RAB33B: variants seen among roughly 807,000 people sequenced by gnomAD.
RAB33B encodes ras-related protein Rab-33B.
A neutral mutation model predicts 15.0 loss-of-function variants in RAB33B; 6 were observed. The ratio of observed to expected loss-of-function variants is 0.40; its 90% CI spans 0.22 to 0.79. The LOEUF is 0.79. RAB33B is among the 30% of genes least tolerant of loss of function. The pLI is 0.37. For synonymous variants in RAB33B, 117 were observed against 108.3 expected (o/e 1.08, Z -0.50); for missense variants, 257 against 296.4 (o/e 0.87, Z 0.98).
At chr4:139,459,048 A>C (rs191409376) in intron 1 of RAB33B, among the ~76,000 whole-genome samples, 17 of 151,040 alleles carry the variant, frequency 1.1e-4, no homozygotes, top group African/African-American at 3.7e-4. Context: ...GGCCACAGAT[A>C]TATCTTCTTT....
intron 1 of RAB33B, among the ~76,000 whole-genome samples, chr4:139,459,461 A>G (rs1750128706): frequency 6.6e-6 from 1 of 152,048 alleles, no homozygotes; most frequent in African/African-American, 2.4e-5. Context: ...GAGTCTCCTC[A>G]CACCTCCAGT....
chr4:139,457,572 A>G (rs1268405736), intron 1 of RAB33B, among the ~76,000 whole-genome samples: 1 of 152,228 alleles, frequency 6.6e-6, no homozygotes, highest in African/African-American at 2.4e-5. Flanking sequence ...ATATTAACTA[A>G]AGGAAAATAA....
chr4:139,449,870 T>A (rs1409778680), upstream of RAB33B: 1 of 152,172 alleles, frequency 6.6e-6, no homozygotes, highest in Non-Finnish European at 1.5e-5. Context: ...ACTTTTTACA[T>A]ATATCAAATA....
intron 1 of RAB33B, among the ~76,000 whole-genome samples, chr4:139,470,006 G>A (rs1489240701): frequency 6.6e-6 from 1 of 152,092 alleles, no homozygotes; most frequent in Admixed American, 6.5e-5. Flanking sequence ...CCTGAAGCCA[G>A]CAAAGCAGTG....
At chr4:139,450,975 C>A (rs961159243), upstream of RAB33B, 4 of 149,620 alleles carry the variant, frequency 2.7e-5, no homozygotes, top group Non-Finnish European at 5.9e-5. Flanking sequence ...GATCTTGGCT[C>A]ACTGCAACCT....
Position 139,454,436 on chromosome 4 carries a change from C to T in RAB33B, c.241C>T (p.Arg81Cys), listed in dbSNP as rs911276815. 6 of 1,608,326 alleles carry T rather than the reference C, an allele frequency of 3.7e-6. No homozygotes were observed. The African/African-American group carries it at 5.3e-5, about 14-fold the overall frequency. ...RERAVEIDGE[R>C]IKIQLWDTAG... is the part of the protein sequence containing the mutation. Reference sequence around the variant, plus strand: ...ACGAGCGGTGGAGATTGATGGGGAGCGCATCAAGGTGAGCGGATGGGGAAC... The same window carrying T: ...ACGAGCGGTGGAGATTGATGGGGAGTGCATCAAGGTGAGCGGATGGGGAAC... Residue 81 changes from arginine (R) to cysteine (C), a missense_variant, in exon 1 of 2, where the codon CGC becomes TGC. Arg to Cys is a radical substitution (Grantham distance 180). Transcript: ENST00000305626.
At chr4:139,461,213 T>A (rs1311456081) in intron 1 of RAB33B, among the ~76,000 whole-genome samples, 1 of 152,164 alleles carries the variant, frequency 6.6e-6, no homozygotes, top group African/African-American at 2.4e-5. Flanking sequence ...AACCTCTGAT[T>A]GGTCAGACGT....
At chr4:139,453,864 G>A (rs2111066199), upstream of RAB33B, 1 of 209,076 alleles carries the variant, frequency 4.8e-6, no homozygotes, top group Non-Finnish European at 9.4e-6. Context: ...TCAGGGCGCT[G>A]GGCCCAGCCT....
the RAB33B span, among the ~76,000 whole-genome samples, chr4:139,444,941 C>A: frequency 6.6e-6 from 1 of 152,156 alleles, no homozygotes; most frequent in African/African-American, 2.4e-5. Context: ...GGAGGGGTTG[C>A]GGAAATTAGT....
At chr4:139,461,617 A>G (rs940817410) in intron 1 of RAB33B, among the ~76,000 whole-genome samples, 2 of 152,186 alleles carry the variant, frequency 1.3e-5, no homozygotes, top group African/African-American at 4.8e-5. Flanking sequence ...TAGTGGGGAA[A>G]AAAAACAGGC....
the RAB33B span, among the ~76,000 whole-genome samples, chr4:139,445,271 A>G: frequency 6.6e-6 from 1 of 152,152 alleles, no homozygotes; most frequent in East Asian, 1.9e-4. Flanking sequence ...TTACTGTACT[A>G]CCTCTGTGGT....
the RAB33B span, among the ~76,000 whole-genome samples, chr4:139,441,781 T>C: frequency 1.3e-5 from 2 of 152,246 alleles, no homozygotes; most frequent in African/African-American, 4.8e-5. Context: ...GAAACCGTCG[T>C]AAATCAGGGA....
intron 1 of RAB33B, among the ~76,000 whole-genome samples, chr4:139,459,878 G>A (rs541809220): frequency 2.0e-5 from 3 of 152,194 alleles, no homozygotes; most frequent in African/African-American, 4.8e-5. Flanking sequence ...GTGATCTGCC[G>A]CCTCGGCCTC....
Position 139,456,089 on chromosome 4 carries a change from G to A in RAB33B, c.249+1645G>A, listed in dbSNP as rs1579173096. On this transcript the variant is annotated intron_variant, in intron 1 of 1. Transcript: ENST00000305626. ...ATGATACCTTATCAGGCTGCTGTGA[G>A]GATCAGATGAGGACATATATGAAGC... 4.6e-5 allele frequency among the ~76,000 whole-genome samples: 7 copies of A among 152,290 alleles called. No homozygotes were observed. The East Asian group carries it at 1.4e-3, about 29-fold the overall frequency.
chr4:139,468,535 G>A (rs1750333031), intron 1 of RAB33B, among the ~76,000 whole-genome samples: 1 of 152,114 alleles, frequency 6.6e-6, no homozygotes, highest in Non-Finnish European at 1.5e-5. Context: ...AGTCATCGTA[G>A]TTATTATTTT....
upstream of RAB33B, chr4:139,453,604 C>T (rs993424674): frequency 6.6e-6 from 1 of 152,344 alleles, no homozygotes; most frequent in African/African-American, 2.4e-5. Flanking sequence ...GCTGAAGAAA[C>T]CTGTCTCCTC....
chr4:139,445,532 C>T, the RAB33B span, among the ~76,000 whole-genome samples: 1 of 152,166 alleles, frequency 6.6e-6, no homozygotes, highest in African/African-American at 2.4e-5. Context: ...TCGAGATGTT[C>T]CTTCTAAAGT....
intron 1 of RAB33B, among the ~76,000 whole-genome samples, chr4:139,457,740 A>G (rs1750094086): frequency 6.6e-6 from 1 of 152,214 alleles, no homozygotes; most frequent in Non-Finnish European, 1.5e-5. Flanking sequence ...ACATGGCCAC[A>G]ATCTAAGAAT....
In RAB33B at chr4:139,454,188, T is replaced by A; in HGVS notation, c.-8T>A. ...TTCCTCCGCCTCAGTTTGGGGCGGG[T>A]CGGGGGAATGGCTGAGGAGATGGAG... On this transcript the variant is annotated 5_prime_UTR_variant, in exon 1 of 2. Coordinates refer to ENST00000305626, the MANE Select transcript of RAB33B (RefSeq NM_031296.3). 1 of 1,605,292 alleles carries A rather than the reference T, an allele frequency of 6.2e-7. No homozygotes were observed. The highest frequency in any genetic ancestry group is 8.5e-7 in the Non-Finnish European group (1 of 1,174,788).
Sources: gnomAD v4.1 joint callset for allele counts (sites outside exome capture counted in the v4.1 genomes callset) on GRCh38, gnomAD v4.1.1 for gene constraint, MANE v1.5 for transcripts, NCBI Gene and HGNC (gene_info 2026-07-23, HGNC 2026-07-21) for gene names.